CYP4F2: variants seen among roughly 807,000 people sequenced by gnomAD.
CYP4F2 encodes cytochrome P450 family 4 subfamily F member 2.
CYP4F2 carries 58 observed loss-of-function variants against 58.9 expected under a neutral mutation model. The ratio of observed to expected loss-of-function variants is 0.98; its 90% CI spans 0.80 to 1.23. The LOEUF (loss-of-function observed/expected upper bound fraction) is 1.23, where lower values mean the gene tolerates loss of function less well. Ranked by LOEUF, CYP4F2 falls within the 50% of genes most tolerant of loss-of-function variation. CYP4F2 has a pLI of 0.00. For missense variants in CYP4F2, 616 were observed against 685.6 expected, an observed-to-expected ratio of 0.90 and a Z score of 1.13; for synonymous variants, 287 against 261.1, an observed-to-expected ratio of 1.10 and a Z score of -0.95.
chr19:15,890,866 G>A (rs1407156689), intron 5 of CYP4F2, among the ~76,000 whole-genome samples: 1 of 152,116 alleles, frequency 6.6e-6, no homozygotes, highest in Non-Finnish European at 1.5e-5. Flanking sequence ...CATCTACCAT[G>A]GGGCAAAAAT....
chr19:15,892,502 C>T (rs1357146651), intron 4 of CYP4F2, 27 bp downstream of exon 4: 3 of 1,613,996 alleles, frequency 1.9e-6, no homozygotes, highest in Middle Eastern at 1.6e-4. Context: ...ACGTTTTTCC[C>T]AACCCTGTTC....
intron 2 of CYP4F2, 120 bp downstream of exon 2, chr19:15,897,294 C>T: frequency 9.6e-7 from 1 of 1,045,576 alleles, no homozygotes; most frequent in Non-Finnish European, 1.4e-6. Context: ...TAAGATGCCT[C>T]CTCTGCTTCT....
At chr19:15,891,589 C>T (rs1054240631) in intron 5 of CYP4F2, among the ~76,000 whole-genome samples, 1 of 152,144 alleles carries the variant, frequency 6.6e-6, no homozygotes, top group African/African-American at 2.4e-5. Context: ...ATTTTATCCC[C>T]CTGCCTTTGA....
At chr19:15,883,727 A>G (rs900845496) in intron 9 of CYP4F2, among the ~76,000 whole-genome samples, 2 of 152,218 alleles carry the variant, frequency 1.3e-5, no homozygotes, top group Non-Finnish European at 2.9e-5. Flanking sequence ...AACAGCCAAA[A>G]TATGGAATCA....
intron 9 of CYP4F2, among the ~76,000 whole-genome samples, chr19:15,883,608 C>T (rs371740431): frequency 1.3e-5 from 2 of 152,158 alleles, no homozygotes; most frequent in Admixed American, 6.5e-5. Flanking sequence ...ACATATAACC[C>T]AGAAATTCCA....
rs1461988294 is a variant in CYP4F2 at position 15,895,269 on chromosome 19, C to G, written c.343+237G>C. On this transcript the variant is annotated intron_variant, in intron 3 of 12. Coordinates refer to ENST00000221700, the MANE Select transcript of CYP4F2 (RefSeq NM_001082.5). ...GTTGGGGGTTCCTCCAGGACTGGGCCTTGGGTTGAGGTCTCTTAGGGTTCC... is the reference window on the plus strand; with the variant it reads ...GTTGGGGGTTCCTCCAGGACTGGGCGTTGGGTTGAGGTCTCTTAGGGTTCC... Among the ~76,000 whole-genome samples, 14 of 152,092 alleles carry G rather than the reference C, an allele frequency of 9.2e-5. 1 individual carries two copies. Among genetic ancestry groups the G allele is most frequent in the Admixed American group, 9.2e-4 (14 of 15,274 alleles).
rs1050309563 is a variant in CYP4F2 at position 15,878,604 on chromosome 19, C to T, written c.*167G>A. On this transcript the variant is annotated 3_prime_UTR_variant, in exon 13 of 13. Transcript: ENST00000221700. ...CTACTGTGAATAGGGCCGCCATGAA[C>T]ATTCACGCACAAGCGTCTTTCTGTT... is the stretch of plus-strand genomic sequence containing the variant. 3.9e-6 allele frequency: 4 copies of T among 1,018,920 alleles called. No homozygotes were observed. The highest frequency in any genetic ancestry group is 1.6e-5 in the African/African-American group (1 of 63,178). The allele number at this position is 1,018,920 out of a possible 1,614,324, so 63.1% of individuals were successfully genotyped here. A position where few individuals can be genotyped will look rare whatever the true frequency, so the allele number is the denominator to read the frequency against.
rs890864237 is a variant in CYP4F2 at position 15,890,583 on chromosome 19, A to G, written c.526-150T>C. The G allele has an allele frequency of 3.4e-5, 43 of 1,280,454 alleles. No individual in the cohort carries two copies. The African/African-American group carries it at 5.7e-4, about 17-fold the overall frequency. 79.3% of individuals were successfully genotyped at this position (1,280,454 alleles called of 1,614,324 possible). The stretch of plus-strand genomic sequence containing the variant: ...CAGGGAGCACCAGGTTATGGTGCAA[A>G]CAAAAGCTGTTACTATTAAGAGATG... On this transcript the variant is annotated intron_variant, in intron 5 of 12. Coordinates refer to ENST00000221700, the MANE Select transcript of CYP4F2 (RefSeq NM_001082.5).
In CYP4F2 at chr19:15,878,872, G is replaced by T; in HGVS notation, c.1462C>A (p.Arg488Ser). 4 of 1,614,056 alleles carry T rather than the reference G, an allele frequency of 2.5e-6. No homozygotes were observed. The highest frequency in any genetic ancestry group is 2.5e-6 in the Non-Finnish European group (3 of 1,179,994). The change falls in exon 13 of 13, where the codon CGC becomes AGC. Residue 488 changes from arginine (R) to serine (S), a missense_variant. Physicochemically the swap from Arg to Ser is moderately radical, Grantham distance 110. Transcript: ENST00000221700. ...GTGTGGTCAGGCAGGACGCGGAAGC[G>T]CAGCAGCGTGAGCGCCAGGACCACC... ...MKVVLALTLL[R>S]FRVLPDHTEP...
rs912903113 is a variant in CYP4F2 at position 15,878,781 on chromosome 19, G to T, written c.1553C>A (p.Pro518His). ...GGGTCTCTGCAGAACTCAGCTCAGGGGCTCCACCCGCAGCCAAAGTCCGCC... is the reference window on the plus strand; with the variant it reads ...GGGTCTCTGCAGAACTCAGCTCAGGTGCTCCACCCGCAGCCAAAGTCCGCC... Reference protein sequence around the residue: ...AEGGLWLRVEPLS With the variant: ...AEGGLWLRVEHLS The change falls in exon 13 of 13, where the codon CCC (proline) becomes CAC (histidine). Residue 518 changes from proline (P) to histidine (H), a missense_variant. Transcript: ENST00000221700. 6.2e-7 allele frequency: 1 copy of T among 1,613,396 alleles called. No homozygotes were observed.
intron 7 of CYP4F2, among the ~76,000 whole-genome samples, chr19:15,887,633 CA>C (rs2089388493): frequency 6.6e-6 from 1 of 151,508 alleles, no homozygotes; most frequent in African/African-American, 2.4e-5. Context: ...GACTAAGTCA[CA>C]GACTTAGAAA....
intron 9 of CYP4F2, among the ~76,000 whole-genome samples, chr19:15,885,382 C>G (rs1051547863): frequency 2.0e-5 from 3 of 152,114 alleles, no homozygotes; most frequent in African/African-American, 7.2e-5. Context: ...TGGGTTGGTT[C>G]CTTCCCAGGT....
intron 9 of CYP4F2, among the ~76,000 whole-genome samples, chr19:15,881,413 C>G (rs2089343653): frequency 6.6e-6 from 1 of 151,548 alleles, no homozygotes; most frequent in African/African-American, 2.4e-5. Flanking sequence ...ATTAATGATT[C>G]AGAGATAGAT....
rs1238284890 is a variant in CYP4F2, at chr19:15,889,611, CAA to C, written c.728_729del (p.Ile243ArgfsTer9). On this transcript the variant is annotated frameshift_variant, in exon 7 of 13. Coordinates refer to ENST00000221700, the MANE Select transcript of CYP4F2 (RefSeq NM_001082.5). LOFTEE classifies it high-confidence loss of function. Reference sequence around the variant, plus strand: ...TCAGGGGTGAGATAATACAGGAAGTCAATATGCAGGAGGATCTCATGGTGTCT... The same window carrying C: ...TCAGGGGTGAGATAATACAGGAAGTCTATGCAGGAGGATCTCATGGTGTCT... The part of the protein sequence containing the change: ...SKRHHEILLH[I>X]DFLYYLTPDG... 2.5e-6 allele frequency: 4 copies of C among 1,614,156 alleles called. No homozygotes were observed. The highest frequency in any genetic ancestry group is 3.4e-6 in the Non-Finnish European group (4 of 1,180,028).
rs1568469915 is a variant in CYP4F2, at chr19:15,881,562, GATGGATA to G, written c.1116-1672_1116-1666del. Among the ~76,000 whole-genome samples the G allele has an allele frequency of 1.7e-3, 225 of 130,148 alleles. 1 individual carries two copies. Among genetic ancestry groups the G allele is most frequent in the African/African-American group, 6.1e-3 (212 of 34,896 alleles). 85.4% of individuals were successfully genotyped at this position (130,148 alleles called of 152,430 possible). A position where few individuals can be genotyped will look rare whatever the true frequency, so the allele number is the denominator to read the frequency against. The stretch of plus-strand genomic sequence containing the variant: ...TAGGTATATAGATACATAGATAGAT[GATGGATA>G]GATAGATAGATAGATAGATAGATAG... On this transcript the variant is annotated intron_variant, in intron 9 of 12. Transcript: ENST00000221700.
intron 10 of CYP4F2, 36 bp from the exon 11 acceptor site, chr19:15,879,704 C>T (rs1444816299): frequency 6.2e-7 from 1 of 1,613,946 alleles, no homozygotes; most frequent in East Asian, 2.2e-5. Context: ...GAGAAGGCCT[C>T]CTTCACTGAG....
intron 11 of CYP4F2, 30 bp downstream of exon 11, chr19:15,879,574 T>C (rs927283636): frequency 2.6e-5 from 42 of 1,613,062 alleles, no homozygotes; most frequent in Non-Finnish European, 3.2e-5. Context: ...AGCCTTGGAA[T>C]GGACAAAAAC....
chr19:15,881,423 TGATA>T (rs1472744516), intron 9 of CYP4F2, among the ~76,000 whole-genome samples: 20 of 152,196 alleles, frequency 1.3e-4, no homozygotes, highest in Non-Finnish European at 2.8e-4. Context: ...CAGAGATAGA[TGATA>T]GATTGATAGA....
At position 15,879,437 on chromosome 19, in the gene CYP4F2, G is replaced by A. The variant is rs1221165314; in HGVS notation, c.1315-9C>T. 1.2e-6 allele frequency: 2 copies of A among 1,614,118 alleles called. No homozygotes were observed. Among genetic ancestry groups the A allele is most frequent in the Non-Finnish European group, 1.7e-6 (2 of 1,180,010 alleles). On this transcript the variant is annotated splice_polypyrimidine_tract_variant and intron_variant, in intron 11 of 12. Transcript: ENST00000221700. ...CGAAAGGGGTCGTAGACCTGGAGGT[G>A]AGACCAAGAAGGGTTGTTGGGTGGG...
Sources: allele counts gnomAD v4.1 joint callset (sites outside exome capture counted in the v4.1 genomes callset), GRCh38; gene constraint gnomAD v4.1.1; transcripts MANE v1.5; gene names NCBI Gene and HGNC (gene_info 2026-07-23, HGNC 2026-07-21).